Variants in KSR1 observed in about 807,000 individuals in gnomAD.
KSR1 encodes kinase suppressor of ras.
KSR1 carries 35 observed loss-of-function variants against 92.9 expected under a neutral mutation model. That is an observed-to-expected ratio of 0.38 (90% CI 0.29 to 0.50). The LOEUF (loss-of-function observed/expected upper bound fraction) is 0.50, where lower values mean the gene tolerates loss of function less well. Among genes scored for constraint, KSR1 ranks in the 20% least tolerant of loss-of-function variants. The probability of loss-of-function intolerance (pLI) is 0.94; values close to 1 mark genes in which losing one functional copy is unlikely to be tolerated. For missense variants in KSR1, 972 were observed against 1,158.5 expected (o/e 0.84, Z 2.34); for synonymous variants, 467 against 472.6 (o/e 0.99, Z 0.15).
rs2072541142 is a variant in KSR1 at position 27,577,161 on chromosome 17, T to G, written c.373-331T>G. On this transcript the variant is annotated intron_variant, in intron 2 of 20. Coordinates refer to ENST00000644974, the MANE Select transcript of KSR1 (RefSeq NM_001394583.1). The surrounding 1 kb of genome is among the most constrained non-coding windows in gnomAD (Gnocchi z 4.5). ...CCATCTTTGTCTGAAGTACTCGTCA[T>G]TCTAAAAAGTTGTTATGACTCGCTG... is the stretch of plus-strand genomic sequence containing the variant. Among the ~76,000 whole-genome samples, 1 of 152,196 alleles carries G rather than the reference T, an allele frequency of 6.6e-6. No homozygotes were observed. Among genetic ancestry groups the G allele is most frequent in the African/African-American group, 2.4e-5 (1 of 41,456 alleles).
chr17:27,463,467 G>GAA (rs963635192), intron 1 of KSR1, among the ~76,000 whole-genome samples: 15 of 109,664 alleles, frequency 1.4e-4, no homozygotes, highest in Non-Finnish European at 1.4e-4. Context: ...GGATGACAGA[G>GAA]AAAAAAAAAA....
chr17:27,600,280 C>G (rs945369286), intron 10 of KSR1, among the ~76,000 whole-genome samples: 5 of 151,682 alleles, frequency 3.3e-5, no homozygotes, highest in African/African-American at 9.7e-5. Context: ...ACTAAAAATA[C>G]AAAAATTAGC....
intron 1 of KSR1, among the ~76,000 whole-genome samples, chr17:27,532,395 G>A (rs1220699775): frequency 2.0e-5 from 3 of 152,330 alleles, no homozygotes; most frequent in Non-Finnish European, 2.9e-5. Flanking sequence ...GTTGTCCTGC[G>A]CGGCAGAGCA....
At chr17:27,474,336 C>G (rs2068276368) in intron 1 of KSR1, among the ~76,000 whole-genome samples, 1 of 152,238 alleles carries the variant, frequency 6.6e-6, no homozygotes, top group Admixed American at 6.5e-5. Flanking sequence ...TTCCAAAAGT[C>G]AGACCTGCTG....
chr17:27,554,408 C>T (rs114821615), intron 2 of KSR1, among the ~76,000 whole-genome samples: 2,409 of 152,322 alleles, frequency 0.016, 68 homozygotes, highest in African/African-American at 0.056. Context: ...GCAGGAGGAA[C>T]GTGTTTACAG....
At chr17:27,611,057 G>A (rs552814628) in intron 17 of KSR1, among the ~76,000 whole-genome samples, 12 of 152,268 alleles carry the variant, frequency 7.9e-5, no homozygotes, top group Admixed American at 5.2e-4. Flanking sequence ...TGGCCTTGGC[G>A]CCATCCTTCC....
chr17:27,579,913 T>TAAAAAAA, intron 3 of KSR1: 1 of 26,592 alleles, frequency 3.8e-5, no homozygotes, highest in South Asian at 1.2e-3. Flanking sequence ...AAAAAAAAAG[T>TAAAAAAA]GAGTGAAGGA....
At chr17:27,521,839 A>G (rs1597938302) in intron 1 of KSR1, among the ~76,000 whole-genome samples, 2 of 152,214 alleles carry the variant, frequency 1.3e-5, no homozygotes, top group South Asian at 4.1e-4. Context: ...TCTCATGGCT[A>G]TGGGAAAGGC....
chr17:27,512,360 T>C (rs1276324245), intron 1 of KSR1, among the ~76,000 whole-genome samples: 2 of 152,210 alleles, frequency 1.3e-5, no homozygotes, highest in African/African-American at 2.4e-5. Flanking sequence ...GCATTTCTTC[T>C]CTGAAGAGGA....
chr17:27,596,413 G>A (rs778366544), intron 9 of KSR1, among the ~76,000 whole-genome samples: 12 of 152,322 alleles, frequency 7.9e-5, no homozygotes, highest in Middle Eastern at 3.4e-3. Context: ...GGCACCAAAC[G>A]TGTTTCCCAT....
At chr17:27,512,727 CA>C (rs1198438206) in intron 1 of KSR1, among the ~76,000 whole-genome samples, 6 of 152,146 alleles carry the variant, frequency 3.9e-5, no homozygotes, top group African/African-American at 1.4e-4. Flanking sequence ...CGTCTCCAAA[CA>C]AACAAAAAGA....
rs564142995 is a variant in KSR1, at chr17:27,459,508, A to G, written c.231+2634A>G. Among the ~76,000 whole-genome samples, 1 of 152,370 alleles carries G rather than the reference A, an allele frequency of 6.6e-6. No homozygotes were observed. Among genetic ancestry groups the G allele is most frequent in the Non-Finnish European group, 1.5e-5 (1 of 68,040 alleles). ...GGTGGGACCGTCCACCGCCAGCAGC[A>G]TGTGTTGGGGCCAGGCAGGCAAGTG... On this transcript the variant is annotated intron_variant, in intron 1 of 20. Coordinates refer to ENST00000644974, the MANE Select transcript of KSR1 (RefSeq NM_001394583.1). The surrounding 1 kb of genome is among the most constrained non-coding windows in gnomAD (Gnocchi z 4.6).
chr17:27,477,859 T>C (rs1381309975), intron 1 of KSR1, among the ~76,000 whole-genome samples: 1 of 152,130 alleles, frequency 6.6e-6, no homozygotes, highest in Non-Finnish European at 1.5e-5. Flanking sequence ...ACTATAGATA[T>C]GCGCCACTAC....
In KSR1 at chr17:27,459,739, G is replaced by C. The variant is rs1463172332; in HGVS notation, c.231+2865G>C. ...GGCCTTCATTAAATAAACACTCAGT[G>C]GGAGAAGCAGCACGTGAAATGTCCG... On this transcript the variant is annotated intron_variant, in intron 1 of 20. Transcript: ENST00000644974. The surrounding 1 kb of genome is among the most constrained non-coding windows in gnomAD (Gnocchi z 4.6). Among the ~76,000 whole-genome samples the C allele has an allele frequency of 6.6e-6, 1 of 152,238 alleles. No homozygotes were observed. The highest frequency in any genetic ancestry group is 2.4e-5 in the African/African-American group (1 of 41,458).
intron 2 of KSR1, among the ~76,000 whole-genome samples, chr17:27,569,189 G>C (rs746844878): frequency 6.6e-6 from 1 of 152,028 alleles, no homozygotes; most frequent in Non-Finnish European, 1.5e-5. Flanking sequence ...AAACATCCTG[G>C]GAGTAGGGAA....
intron 1 of KSR1, chr17:27,526,407 C>T (rs1295702656): frequency 1.3e-6 from 2 of 1,519,590 alleles, no homozygotes; most frequent in Admixed American, 4.2e-5. Flanking sequence ...TGGGAAAGGG[C>T]CGGTTAAATG....
At chr17:27,570,186 A>G (rs926320704) in intron 2 of KSR1, among the ~76,000 whole-genome samples, 3 of 152,238 alleles carry the variant, frequency 2.0e-5, no homozygotes, top group Admixed American at 6.5e-5. Context: ...CTGGAAAGTC[A>G]TATGTGACCT....
rs1398130169 is a variant in KSR1 at position 27,623,508 on chromosome 17, A to G, written c.*116A>G. 1 of 694,346 alleles carries G rather than the reference A, an allele frequency of 1.4e-6. No homozygotes were observed. Among genetic ancestry groups the G allele is most frequent in the Non-Finnish European group, 2.6e-6 (1 of 382,944 alleles). The allele number at this position is 694,346 out of a possible 1,614,324, so 43.0% of individuals were successfully genotyped here. A position where few individuals can be genotyped will look rare whatever the true frequency, so the allele number is the denominator to read the frequency against. ...CTGCCCAGCGCTGCAAACCAGGAGC[A>G]CACGTCCTAGATTCAGACTGTTGGC... On this transcript the variant is annotated 3_prime_UTR_variant, in exon 21 of 21. Coordinates refer to ENST00000644974, the MANE Select transcript of KSR1 (RefSeq NM_001394583.1).
intron 1 of KSR1, among the ~76,000 whole-genome samples, chr17:27,473,447 G>A (rs1412420124): frequency 1.3e-5 from 2 of 152,186 alleles, no homozygotes; most frequent in Non-Finnish European, 2.9e-5. Flanking sequence ...GTGGCCATTC[G>A]CAGAAAGGAG....
Sources: allele counts gnomAD v4.1 joint callset (sites outside exome capture counted in the v4.1 genomes callset), GRCh38; gene constraint gnomAD v4.1.1; non-coding constraint Gnocchi (gnomAD v3.1); transcripts MANE v1.5; gene names NCBI Gene and HGNC (gene_info 2026-07-23, HGNC 2026-07-21).